Variants in MGME1 observed in about 807,000 individuals in gnomAD.
The protein encoded by MGME1 is mitochondrial genome maintenance exonuclease 1, also known as chromosome 20 open reading frame 72.
A neutral mutation model predicts 33.0 loss-of-function variants in MGME1; 22 were observed. The ratio of observed to expected loss-of-function variants is 0.67; its 90% CI spans 0.48 to 0.95. The LOEUF is 0.95. Among genes scored for constraint, MGME1 ranks in the 40% least tolerant of loss-of-function variants. MGME1 has a pLI of 0.00. For missense variants in MGME1, 383 were observed against 397.8 expected, an observed-to-expected ratio of 0.96 and a Z score of 0.32; for synonymous variants, 133 against 144.0, an observed-to-expected ratio of 0.92 and a Z score of 0.55.
At chr20:17,978,534 T>C (rs2035925670) in intron 3 of MGME1, among the ~76,000 whole-genome samples, 1 of 152,018 alleles carries the variant, frequency 6.6e-6, no homozygotes, top group Non-Finnish European at 1.5e-5. Flanking sequence ...ATAGCACAAC[T>C]GCGTCATATC....
chr20:17,981,409 A>G (rs1241465755), intron 3 of MGME1, among the ~76,000 whole-genome samples: 1 of 152,248 alleles, frequency 6.6e-6, no homozygotes, highest in Non-Finnish European at 1.5e-5. Flanking sequence ...GATAAGACAA[A>G]TGGTAGTACC....
intron 3 of MGME1, among the ~76,000 whole-genome samples, chr20:17,983,439 A>T (rs2036083580): frequency 6.6e-6 from 1 of 152,178 alleles, no homozygotes; most frequent in African/African-American, 2.4e-5. Context: ...TCGTTTGGCT[A>T]TATATCCAAA....
intron 3 of MGME1, among the ~76,000 whole-genome samples, chr20:17,981,945 A>C (rs1440821565): frequency 2.7e-5 from 4 of 150,806 alleles, no homozygotes; most frequent in Non-Finnish European, 5.9e-5. Context: ...GAGCCACTGC[A>C]CCTGGCCCTA....
rs1406389176 is a variant in MGME1, at chr20:17,982,866, T to C, written c.732-5300T>C. ...TAATGGAAAGATTAAATAAGCTAAT[T>C]ATCATATCCATCACTTCACCTATTT... On this transcript the variant is annotated intron_variant, in intron 3 of 4. Coordinates refer to ENST00000377710, the MANE Select transcript of MGME1 (RefSeq NM_052865.4). 3.9e-5 allele frequency among the ~76,000 whole-genome samples: 6 copies of C among 152,196 alleles called. No homozygotes were observed. In the South Asian group the frequency reaches 1.2e-3, roughly 32 times the overall value.
intron 2 of MGME1, among the ~76,000 whole-genome samples, chr20:17,975,087 G>C (rs2122520910): frequency 6.6e-6 from 1 of 152,150 alleles, no homozygotes; most frequent in East Asian, 1.9e-4. Flanking sequence ...AACTGGATGT[G>C]GTCTTGTAGC....
intron 3 of MGME1, among the ~76,000 whole-genome samples, chr20:17,981,602 A>C (rs1422378735): frequency 1.9e-4 from 28 of 151,308 alleles, no homozygotes; most frequent in Non-Finnish European, 4.0e-4. Flanking sequence ...CAGCCTCCCA[A>C]AGTGCTGGGA....
intron 3 of MGME1, among the ~76,000 whole-genome samples, chr20:17,986,805 TTA>T (rs750633416): frequency 1.3e-5 from 2 of 152,214 alleles, no homozygotes; most frequent in Non-Finnish European, 1.5e-5. Context: ...CATCAATATT[TTA>T]TAGTTTTCAG....
At chr20:17,977,546 C>T (rs191422652) in intron 3 of MGME1, among the ~76,000 whole-genome samples, 7 of 152,154 alleles carry the variant, frequency 4.6e-5, no homozygotes, top group African/African-American at 4.8e-5. Flanking sequence ...AAGTACAGTG[C>T]TCATATATAT....
At chr20:17,980,154 T>C (rs764857271) in intron 3 of MGME1, among the ~76,000 whole-genome samples, 2 of 152,048 alleles carry the variant, frequency 1.3e-5, no homozygotes, top group Non-Finnish European at 2.9e-5. Flanking sequence ...GCCTCTCTAG[T>C]AGCTGGGATT....
rs1226311324 is a variant in MGME1 at position 17,970,346 on chromosome 20, G to T, written c.487G>T (p.Asp163Tyr). The change falls in exon 2 of 5, where the codon GAT becomes TAT. Residue 163 changes from aspartate (D) to tyrosine (Y), a missense_variant. Transcript: ENST00000377710. Reference protein sequence around the residue: ...KQRMILELGEDGFKEYTSNVF... With the variant: ...KQRMILELGEYGFKEYTSNVF... ...GCGGATGATTCTGGAACTGGGAGAA[G>T]ATGGCTTTAAAGAATACACTTCAAG... 2 of 1,613,366 alleles carry T rather than the reference G, an allele frequency of 1.2e-6. No homozygotes were observed. Among genetic ancestry groups the T allele is most frequent in the South Asian group, 2.2e-5 (2 of 91,048 alleles).
In MGME1 at chr20:17,987,987, C is replaced by T. The variant is rs145432375; in HGVS notation, c.732-179C>T. ...AGGATCACTTGAGCCCAGGAGTATGCGTTTAGCCTGGGCAACATATGAAAC... is the reference window on the plus strand; with the variant it reads ...AGGATCACTTGAGCCCAGGAGTATGTGTTTAGCCTGGGCAACATATGAAAC... On this transcript the variant is annotated intron_variant, in intron 3 of 4. Coordinates refer to ENST00000377710, the MANE Select transcript of MGME1 (RefSeq NM_052865.4). Among the ~76,000 whole-genome samples the T allele has an allele frequency of 5.9e-5, 9 of 152,008 alleles. No homozygotes were observed. The East Asian group carries it at 1.7e-3, about 29-fold the overall frequency.
At chr20:17,975,546 A>G in intron 2 of MGME1, 138 bp from the exon 3 acceptor site, 2 of 648,044 alleles carry the variant, frequency 3.1e-6, no homozygotes, top group Non-Finnish European at 5.2e-6. Flanking sequence ...ACAGAGGGAG[A>G]CTCCATCCAA....
chr20:17,970,552 C>T (rs974038882), intron 2 of MGME1, among the ~76,000 whole-genome samples, 182 bp downstream of exon 2: 6 of 152,248 alleles, frequency 3.9e-5, no homozygotes, highest in South Asian at 2.1e-4. Flanking sequence ...CATGGTAGTC[C>T]TGTGGAGTAT....
chr20:17,980,515 T>TA (rs893145970), intron 3 of MGME1, among the ~76,000 whole-genome samples: 3 of 150,470 alleles, frequency 2.0e-5, no homozygotes, highest in East Asian at 2.0e-4. Flanking sequence ...AAAAATTATT[T>TA]AAAAAAAAAT....
chr20:17,974,532 T>G (rs1016477149), intron 2 of MGME1, among the ~76,000 whole-genome samples: 58 of 152,280 alleles, frequency 3.8e-4, no homozygotes, highest in African/African-American at 1.3e-3. Context: ...GGACGAAAAG[T>G]AAGGCTTTGA....
chr20:17,986,580 G>A (rs921377140), intron 3 of MGME1, among the ~76,000 whole-genome samples: 2 of 151,746 alleles, frequency 1.3e-5, no homozygotes, highest in African/African-American at 2.4e-5. Context: ...GGCTGGTCTC[G>A]GGCTCCTGAG....
At chr20:17,980,878 C>A (rs755575166) in intron 3 of MGME1, among the ~76,000 whole-genome samples, 1 of 151,752 alleles carries the variant, frequency 6.6e-6, no homozygotes, top group Non-Finnish European at 1.5e-5. Context: ...TAATAATTTT[C>A]CACCACCCAC....
chr20:17,970,450 G>T (rs967244881), intron 2 of MGME1, 80 bp downstream of exon 2: 55 of 1,471,952 alleles, frequency 3.7e-5, no homozygotes, highest in Middle Eastern at 1.8e-4. Context: ...AATGAGGTTT[G>T]GTTTTGTTTT....
At chr20:17,980,502 T>C (rs891190026) in intron 3 of MGME1, among the ~76,000 whole-genome samples, 2 of 151,170 alleles carry the variant, frequency 1.3e-5, no homozygotes, top group African/African-American at 4.9e-5. Context: ...TTTTTCCACT[T>C]AAAAAAATTA....
Sources: gnomAD v4.1 joint callset for allele counts (sites outside exome capture counted in the v4.1 genomes callset) on GRCh38, gnomAD v4.1.1 for gene constraint, MANE v1.5 for transcripts, NCBI Gene and HGNC (gene_info 2026-07-23, HGNC 2026-07-21) for gene names.